The following SKAP1 variants were observed in gnomAD, a reference collection of about 807,000 sequenced individuals.
The protein encoded by SKAP1 is src kinase-associated phosphoprotein 1.
SKAP1 carries 44 observed loss-of-function variants against 58.5 expected under a neutral mutation model. That is an observed-to-expected ratio of 0.75 (90% confidence interval 0.59 to 0.97). SKAP1 has a LOEUF of 0.97. SKAP1 is among the 50% of genes least tolerant of loss of function. The pLI, the probability that SKAP1 is intolerant of heterozygous loss-of-function variation, is 0.00. For synonymous variants in SKAP1, 127 were observed against 149.7 expected, an observed-to-expected ratio of 0.85 and a Z score of 1.11; for missense variants, 390 against 435.2, an observed-to-expected ratio of 0.90 and a Z score of 0.92.
At chr17:48,410,934 CAAAAAAAA>C (rs61705374) in intron 1 of SKAP1, among the ~76,000 whole-genome samples, 27 of 66,972 alleles carry the variant, frequency 4.0e-4, no homozygotes, top group African/African-American at 1.1e-3. Flanking sequence ...GACTCCATTT[CAAAAAAAA>C]AAAAAAAAAA....
chr17:48,230,416 G>C (rs1455581081), intron 4 of SKAP1, among the ~76,000 whole-genome samples: 5 of 152,034 alleles, frequency 3.3e-5, no homozygotes. Flanking sequence ...GATCATGCCT[G>C]GCAAAAAGTG....
At chr17:48,293,496 G>C (rs2065923993) in intron 4 of SKAP1, among the ~76,000 whole-genome samples, 1 of 152,112 alleles carries the variant, frequency 6.6e-6, no homozygotes, top group African/African-American at 2.4e-5. Flanking sequence ...TATTCCCTTA[G>C]TTTACTTAAG....
chr17:48,357,743 A>G (rs1396174557), intron 3 of SKAP1, among the ~76,000 whole-genome samples: 1 of 152,180 alleles, frequency 6.6e-6, no homozygotes, highest in Non-Finnish European at 1.5e-5. Context: ...TAAAAAAACC[A>G]CCCTACCAGT....
chr17:48,266,319 C>T (rs1268282027), intron 4 of SKAP1, among the ~76,000 whole-genome samples: 1 of 152,092 alleles, frequency 6.6e-6, no homozygotes, highest in Non-Finnish European at 1.5e-5. Flanking sequence ...CAGAAAGGAG[C>T]TCCTTTATTA....
At chr17:48,350,271 A>G (rs1445108546) in intron 3 of SKAP1, among the ~76,000 whole-genome samples, 1 of 152,210 alleles carries the variant, frequency 6.6e-6, no homozygotes. Context: ...TTGCTTATTC[A>G]ATATGTAAAG....
intron 4 of SKAP1, among the ~76,000 whole-genome samples, chr17:48,236,521 T>G (rs1156944471): frequency 6.6e-6 from 1 of 152,184 alleles, no homozygotes; most frequent in Non-Finnish European, 1.5e-5. Flanking sequence ...TCATATTAGG[T>G]TACTTAATCA....
At chr17:48,287,684 T>C (rs2065848126) in intron 4 of SKAP1, among the ~76,000 whole-genome samples, 1 of 152,248 alleles carries the variant, frequency 6.6e-6, no homozygotes, top group South Asian at 2.1e-4. Context: ...TTGATTAGTT[T>C]GCTTGCTATT....
At chr17:48,386,359 T>C (rs1457614536) in intron 2 of SKAP1, among the ~76,000 whole-genome samples, 1 of 149,186 alleles carries the variant, frequency 6.7e-6, no homozygotes, top group African/African-American at 2.5e-5. Flanking sequence ...TTTAAGGAGC[T>C]TATGATCTCC....
intron 4 of SKAP1, among the ~76,000 whole-genome samples, chr17:48,230,125 A>G (rs1440260430): frequency 6.6e-6 from 1 of 152,156 alleles, no homozygotes; most frequent in African/African-American, 2.4e-5. Context: ...AGCCATGGCC[A>G]TTACTGGGCT....
chr17:48,402,965 G>A (rs2067519695), intron 1 of SKAP1, among the ~76,000 whole-genome samples: 1 of 152,070 alleles, frequency 6.6e-6, no homozygotes, highest in Admixed American at 6.5e-5. Context: ...TAATGAAAAT[G>A]TTCTAAAATT....
At chr17:48,329,100 C>T (rs1399593977) in intron 4 of SKAP1, among the ~76,000 whole-genome samples, 3 of 152,178 alleles carry the variant, frequency 2.0e-5, no homozygotes, top group Non-Finnish European at 2.9e-5. Context: ...CTAGAAAATG[C>T]AAATATTATA....
intron 4 of SKAP1, among the ~76,000 whole-genome samples, chr17:48,257,591 G>T (rs1386577378): frequency 6.7e-6 from 1 of 149,594 alleles, no homozygotes; most frequent in East Asian, 2.0e-4. Context: ...ATGGTTAGCA[G>T]CTTAATATAC....
At chr17:48,440,485 G>T in the SKAP1 span, among the ~76,000 whole-genome samples, 1 of 152,182 alleles carries the variant, frequency 6.6e-6, no homozygotes, top group Non-Finnish European at 1.5e-5. Flanking sequence ...AGCAGCTGTG[G>T]CGTAAGGGTC....
chr17:48,168,812 C>G (rs2143345189), intron 10 of SKAP1, among the ~76,000 whole-genome samples: 1 of 152,338 alleles, frequency 6.6e-6, no homozygotes, highest in Admixed American at 6.5e-5. Context: ...CCCCAGACCT[C>G]TATCTTTTAT....
At chr17:48,432,847 C>T (rs762848017), upstream of SKAP1, among the ~76,000 whole-genome samples, 1 of 152,202 alleles carries the variant, frequency 6.6e-6, no homozygotes, top group Non-Finnish European at 1.5e-5. Flanking sequence ...GAGCAGTAAA[C>T]CCAGGTAATT....
At chr17:48,280,140 T>C (rs1598504514) in intron 4 of SKAP1, among the ~76,000 whole-genome samples, 1 of 152,140 alleles carries the variant, frequency 6.6e-6, no homozygotes, top group Admixed American at 6.6e-5. Context: ...GTATGTTTGG[T>C]TTTAAATACT....
intron 4 of SKAP1, among the ~76,000 whole-genome samples, chr17:48,334,709 T>A (rs894916867): frequency 7.2e-5 from 11 of 152,000 alleles, no homozygotes; most frequent in South Asian, 2.1e-4. Context: ...TATTATTTTT[T>A]AAAAATACAT....
chr17:48,355,824 T>TAA (rs746594983), intron 3 of SKAP1, among the ~76,000 whole-genome samples: 1 of 136,606 alleles, frequency 7.3e-6, no homozygotes, highest in Middle Eastern at 3.5e-3. Flanking sequence ...AGACTCTGTC[T>TAA]AAAAAAAAAA....
At chr17:48,189,387 C>T in intron 5 of SKAP1, 36 bp downstream of exon 5, 1 of 1,542,628 alleles carries the variant, frequency 6.5e-7, no homozygotes, top group Non-Finnish European at 8.9e-7. Flanking sequence ...CCTTCCCTTC[C>T]TGGAATGTTC....
Sources: allele counts gnomAD v4.1 joint callset (sites outside exome capture counted in the v4.1 genomes callset), GRCh38; gene constraint gnomAD v4.1.1; transcripts MANE v1.5; gene names NCBI Gene and HGNC (gene_info 2026-07-23, HGNC 2026-07-21).